Variants in TBC1D19 observed in about 807,000 individuals in gnomAD.
TBC1D19 encodes TBC1 domain family member 19.
A neutral mutation model predicts 89.0 loss-of-function variants in TBC1D19; 60 were observed. That is an observed-to-expected ratio of 0.67 (90% confidence interval 0.55 to 0.84). The LOEUF (loss-of-function observed/expected upper bound fraction) is 0.84. Ranked by LOEUF, TBC1D19 falls within the 40% of genes least tolerant of loss-of-function variation. The pLI is 0.00. For synonymous variants in TBC1D19, 189 were observed against 199.7 expected (o/e 0.95, Z 0.45); for missense variants, 500 against 610.8 (o/e 0.82, Z 1.91).
intron 16 of TBC1D19, among the ~76,000 whole-genome samples, chr4:26,739,261 A>G (rs1718213200): frequency 2.6e-5 from 4 of 152,178 alleles, no homozygotes; most frequent in African/African-American, 9.7e-5. Flanking sequence ...TTCTACATTC[A>G]TTAGAGAAAT....
chr4:26,798,820 A>C, the TBC1D19 span, among the ~76,000 whole-genome samples: 1 of 152,144 alleles, frequency 6.6e-6, no homozygotes, highest in Admixed American at 6.6e-5. Flanking sequence ...GTGGGAGCTA[A>C]ACAATGGATT....
intron 7 of TBC1D19, among the ~76,000 whole-genome samples, chr4:26,649,770 G>A (rs866240814): frequency 1.3e-5 from 2 of 151,068 alleles, no homozygotes; most frequent in African/African-American, 2.4e-5. Context: ...GTGCAGGTTT[G>A]TTACATATGT....
chr4:26,844,743 C>G, the TBC1D19 span, among the ~76,000 whole-genome samples: 124,305 of 152,126 alleles, frequency 0.82, 51,086 homozygotes, highest in Middle Eastern at 0.96. Context: ...TTGCTGTCAG[C>G]TAACTTTTAT....
chr4:26,836,549 ACG>A, the TBC1D19 span, among the ~76,000 whole-genome samples: 1 of 152,224 alleles, frequency 6.6e-6, no homozygotes, highest in South Asian at 2.1e-4. Flanking sequence ...CTGTAGAGGT[ACG>A]AACAGGTGTC....
the TBC1D19 span, among the ~76,000 whole-genome samples, chr4:26,794,398 GATAA>G: frequency 6.6e-6 from 1 of 151,836 alleles, no homozygotes; most frequent in Non-Finnish European, 1.5e-5. Flanking sequence ...TATTTGAAAA[GATAA>G]ATAGATTAAA....
At chr4:26,735,555 T>A in intron 16 of TBC1D19, 68 bp downstream of exon 16, 1 of 1,332,112 alleles carries the variant, frequency 7.5e-7, no homozygotes, top group Non-Finnish European at 1.0e-6. Flanking sequence ...ATTTAAAAAA[T>A]AATGACTGAC....
At chr4:26,624,670 T>C (rs1742278706) in intron 4 of TBC1D19, among the ~76,000 whole-genome samples, 1 of 152,182 alleles carries the variant, frequency 6.6e-6, no homozygotes, top group Non-Finnish European at 1.5e-5. Context: ...GTAAAGGAGT[T>C]AGCCATCTAT....
intron 1 of TBC1D19, among the ~76,000 whole-genome samples, chr4:26,608,645 G>T (rs970449161): frequency 6.6e-6 from 1 of 152,052 alleles, no homozygotes; most frequent in Non-Finnish European, 1.5e-5. Flanking sequence ...TCTTTAAATT[G>T]TCTTCTCTCC....
chr4:26,646,028 C>T (rs1743909709), intron 7 of TBC1D19, among the ~76,000 whole-genome samples: 1 of 148,028 alleles, frequency 6.8e-6, no homozygotes, highest in Non-Finnish European at 1.5e-5. Context: ...GAGGCTGAGG[C>T]AGGAGAATGG....
chr4:26,780,676 G>A, the TBC1D19 span, among the ~76,000 whole-genome samples: 2 of 152,348 alleles, frequency 1.3e-5, no homozygotes, highest in East Asian at 1.9e-4. Flanking sequence ...ACTGGTCTGA[G>A]TAGACTTAAG....
At chr4:26,641,716 G>C (rs1466678277) in intron 7 of TBC1D19, among the ~76,000 whole-genome samples, 1 of 152,138 alleles carries the variant, frequency 6.6e-6, no homozygotes, top group East Asian at 1.9e-4. Context: ...AGAATAAACA[G>C]CATAGAGAAG....
chr4:26,597,929 T>C (rs189241896), intron 1 of TBC1D19, among the ~76,000 whole-genome samples: 1 of 152,314 alleles, frequency 6.6e-6, no homozygotes, highest in East Asian at 1.9e-4. Flanking sequence ...TTATTCTTGA[T>C]TAATTATAGT....
chr4:26,605,611 T>A (rs960210834), intron 1 of TBC1D19, among the ~76,000 whole-genome samples: 4 of 152,142 alleles, frequency 2.6e-5, no homozygotes, highest in African/African-American at 4.8e-5. Context: ...TAGTTCTAGA[T>A]CCCTGAGGAA....
At chr4:26,856,913 G>A in the TBC1D19 span, among the ~76,000 whole-genome samples, 1 of 152,182 alleles carries the variant, frequency 6.6e-6, no homozygotes, top group Non-Finnish European at 1.5e-5. Flanking sequence ...ACTCGCTTCT[G>A]TTGAGCGGCT....
the TBC1D19 span, among the ~76,000 whole-genome samples, chr4:26,796,026 C>T: frequency 1.3e-5 from 2 of 152,112 alleles, no homozygotes; most frequent in African/African-American, 4.8e-5. Flanking sequence ...AATCTTGCTT[C>T]TGCTTAATAT....
At chr4:26,745,038 T>C (rs1287704028) in intron 18 of TBC1D19, among the ~76,000 whole-genome samples, 3 of 152,132 alleles carry the variant, frequency 2.0e-5, no homozygotes, top group Non-Finnish European at 4.4e-5. Flanking sequence ...CGTATTTGGA[T>C]GCTTTGTTTT....
At chr4:26,819,879 G>A in the TBC1D19 span, among the ~76,000 whole-genome samples, 4 of 152,122 alleles carry the variant, frequency 2.6e-5, no homozygotes, top group African/African-American at 4.8e-5. Context: ...CAGAGCCACC[G>A]TGCTTTCCCT....
At chr4:26,782,211 TCA>T in the TBC1D19 span, among the ~76,000 whole-genome samples, 1 of 152,248 alleles carries the variant, frequency 6.6e-6, no homozygotes, top group Non-Finnish European at 1.5e-5. Context: ...ACTGATGATG[TCA>T]CACATACATC....
the TBC1D19 span, among the ~76,000 whole-genome samples, chr4:26,794,205 C>T: frequency 2.0e-5 from 3 of 152,034 alleles, no homozygotes; most frequent in African/African-American, 7.3e-5. Context: ...CTTATTTTAG[C>T]CAAGAATTGC....
Sources: gnomAD v4.1 joint callset for allele counts (sites outside exome capture counted in the v4.1 genomes callset) on GRCh38, gnomAD v4.1.1 for gene constraint, MANE v1.5 for transcripts, NCBI Gene and HGNC (gene_info 2026-07-23, HGNC 2026-07-21) for gene names.